ATG4C: variants seen among roughly 807,000 people sequenced by gnomAD.
ATG4C encodes cysteine protease ATG4C.
In ATG4C, 56 loss-of-function variants were observed where a neutral mutation model predicts 57.6. That is an observed-to-expected ratio of 0.97 (90% confidence interval 0.78 to 1.21). The LOEUF (loss-of-function observed/expected upper bound fraction) is 1.21. ATG4C is among the 50% of genes most tolerant of loss of function. ATG4C has a pLI of 0.00. For synonymous variants in ATG4C, 157 were observed against 174.1 expected (o/e 0.90, Z 0.78); for missense variants, 595 against 529.8 (o/e 1.12, Z -1.21).
chr1:62,835,494 C>A, intron 9 of ATG4C: 2 of 249,856 alleles, frequency 8.0e-6, no homozygotes, highest in South Asian at 4.2e-5. Flanking sequence ...CTTTTACAGA[C>A]TAAAGTAATT....
chr1:62,814,829 C>A (rs1295969222), intron 3 of ATG4C, among the ~76,000 whole-genome samples: 1 of 152,122 alleles, frequency 6.6e-6, no homozygotes, highest in African/African-American at 2.4e-5. Context: ...CTTTGGGAGT[C>A]CAAGGCAAGT....
At chr1:62,813,313 G>A (rs372854845) in intron 3 of ATG4C, among the ~76,000 whole-genome samples, 3 of 152,112 alleles carry the variant, frequency 2.0e-5, no homozygotes, top group Non-Finnish European at 2.9e-5. Flanking sequence ...ACAACCATCT[G>A]ATCCTTGACA....
In ATG4C at chr1:62,845,680, C is replaced by G. The variant is rs1666306242; in HGVS notation, c.1209+4133C>G. 2.0e-5 allele frequency among the ~76,000 whole-genome samples: 3 copies of G among 150,802 alleles called. No individual in the cohort carries two copies. The Admixed American group carries it at 2.0e-4, about 10-fold the overall frequency. On this transcript the variant is annotated intron_variant, in intron 10 of 10. Transcript: ENST00000317868. ...GAAGTTTTATGTTTCACATTTAGAA[C>G]TTGTATATGTTTTATTTATTTTTAT...
intron 1 of ATG4C, chr1:62,785,155 T>C (rs1428996051): frequency 6.6e-6 from 1 of 152,208 alleles, no homozygotes; most frequent in African/African-American, 2.4e-5. Context: ...TTTGTGTCAG[T>C]TGATGGCAGA....
At chr1:62,840,637 G>C (rs982406252) in intron 9 of ATG4C, among the ~76,000 whole-genome samples, 2 of 152,124 alleles carry the variant, frequency 1.3e-5, no homozygotes, top group African/African-American at 2.4e-5. Context: ...TTTATATTCT[G>C]CCCTTTTTCT....
rs1307183428 is a variant in ATG4C, at chr1:62,859,669, C to T, written c.1210-4323C>T. ...AAATTTATGAGAAAACATATTTCTTCAATAATAAATTAACCATATCTTTCT... is the reference window on the plus strand; with the variant it reads ...AAATTTATGAGAAAACATATTTCTTTAATAATAAATTAACCATATCTTTCT... On this transcript the variant is annotated intron_variant, in intron 10 of 10. Coordinates refer to ENST00000317868, the MANE Select transcript of ATG4C (RefSeq NM_032852.4). Among the ~76,000 whole-genome samples, 7 of 150,574 alleles carry T rather than the reference C, an allele frequency of 4.6e-5. No homozygotes were observed. The Admixed American group carries it at 4.7e-4, about 10-fold the overall frequency.
intron 1 of ATG4C, among the ~76,000 whole-genome samples, chr1:62,801,076 G>T (rs1395145322): frequency 6.6e-6 from 1 of 152,170 alleles, no homozygotes; most frequent in Non-Finnish European, 1.5e-5. Flanking sequence ...AGGAAGCTTT[G>T]ATATTAATAT....
At chr1:62,806,852 G>T (rs114328043) in intron 3 of ATG4C, among the ~76,000 whole-genome samples, 4 of 152,178 alleles carry the variant, frequency 2.6e-5, no homozygotes, top group Non-Finnish European at 5.9e-5. Context: ...ATCATTGCAA[G>T]AGCTAGAAGC....
At chr1:62,856,035 G>A (rs1187622453) in intron 10 of ATG4C, among the ~76,000 whole-genome samples, 1 of 152,188 alleles carries the variant, frequency 6.6e-6, no homozygotes, top group African/African-American at 2.4e-5. Flanking sequence ...GTCTTATAGA[G>A]TAAGAGAATA....
At position 62,807,793 on chromosome 1, in the gene ATG4C, ATCAC is replaced by A. The variant is rs1293712706; in HGVS notation, c.160+2539_160+2542del. Among the ~76,000 whole-genome samples the A allele has an allele frequency of 2.3e-3, 345 of 152,356 alleles. 1 individual carries two copies. Among genetic ancestry groups the A allele is most frequent in the African/African-American group, 8.1e-3 (337 of 41,594 alleles). On this transcript the variant is annotated intron_variant, in intron 3 of 10. Transcript: ENST00000317868. Reference sequence around the variant, plus strand: ...AGTGTTTCCTTGAGTTCTGTGAGTCATCACAGCAAATTACCAAACCTGAGGAGGG... The same window carrying A: ...AGTGTTTCCTTGAGTTCTGTGAGTCAAGCAAATTACCAAACCTGAGGAGGG...
rs114004115 is a variant in ATG4C, at chr1:62,808,105, A to G, written c.160+2850A>G. On this transcript the variant is annotated intron_variant, in intron 3 of 10. Coordinates refer to ENST00000317868, the MANE Select transcript of ATG4C (RefSeq NM_032852.4). Reference sequence around the variant, plus strand: ...CTAAAAGGAAGTGTTTTTCCATTTCATGCTTTAGAAAGATAACTGATGGTA... The same window carrying G: ...CTAAAAGGAAGTGTTTTTCCATTTCGTGCTTTAGAAAGATAACTGATGGTA... 5.4e-3 allele frequency among the ~76,000 whole-genome samples: 828 copies of G among 152,350 alleles called. 9 individuals are homozygous for G. Among genetic ancestry groups the G allele is most frequent in the African/African-American group, 0.019 (793 of 41,586 alleles).
chr1:62,849,240 C>G (rs560401997), intron 10 of ATG4C, among the ~76,000 whole-genome samples: 3 of 152,204 alleles, frequency 2.0e-5, no homozygotes, highest in Non-Finnish European at 4.4e-5. Context: ...ACCTGCTTTG[C>G]CCAGCCCCAT....
chr1:62,863,902 AG>A (rs1666925787), intron 10 of ATG4C, 89 bp from the exon 11 acceptor site: 1 of 884,362 alleles, frequency 1.1e-6, no homozygotes, highest in East Asian at 2.7e-5. Context: ...CTAACAGGAG[AG>A]GTTCAGGGCT....
chr1:62,835,796 A>T lies in ATG4C; in HGVS notation c.1089+944A>T, dbSNP rs1408583506. On this transcript the variant is annotated intron_variant, in intron 9 of 10. Coordinates refer to ENST00000317868, the MANE Select transcript of ATG4C (RefSeq NM_032852.4). ...CAGGTCTATTTTGTTCTTTCATAGT[A>T]TCTTGCACCTTAATAAATATTTGCT... 3.3e-5 allele frequency among the ~76,000 whole-genome samples: 5 copies of T among 152,164 alleles called. No homozygotes were observed. In the East Asian group the frequency reaches 9.6e-4, roughly 29 times the overall value.
intron 1 of ATG4C, among the ~76,000 whole-genome samples, chr1:62,798,764 C>T (rs1411869492): frequency 6.6e-6 from 1 of 151,956 alleles, no homozygotes; most frequent in Non-Finnish European, 1.5e-5. Flanking sequence ...CCTGCCTCAG[C>T]CTCCTGAGTA....
intron 1 of ATG4C, among the ~76,000 whole-genome samples, chr1:62,789,971 A>G (rs1399599641): frequency 6.6e-6 from 1 of 151,296 alleles, no homozygotes; most frequent in East Asian, 2.0e-4. Flanking sequence ...GCTGGAGTGC[A>G]ATGGCGGATC....
intron 9 of ATG4C, among the ~76,000 whole-genome samples, chr1:62,838,374 A>T (rs1242269229): frequency 6.6e-6 from 1 of 152,248 alleles, no homozygotes; most frequent in Non-Finnish European, 1.5e-5. Flanking sequence ...CGAAGTGAAC[A>T]TAGCCCTGAA....
chr1:62,841,613 G>A, intron 10 of ATG4C, 66 bp downstream of exon 10: 2 of 1,275,928 alleles, frequency 1.6e-6, no homozygotes, highest in African/African-American at 1.5e-5. Flanking sequence ...CTGTCAGAAA[G>A]CAAAAACCTG....
At chr1:62,855,103 GA>G (rs942806004) in intron 10 of ATG4C, among the ~76,000 whole-genome samples, 8 of 152,124 alleles carry the variant, frequency 5.3e-5, no homozygotes, top group African/African-American at 1.9e-4. Flanking sequence ...AGGGACCTGG[GA>G]ATTGAGTTCA....
Sources: gnomAD v4.1 joint callset for allele counts (sites outside exome capture counted in the v4.1 genomes callset) on GRCh38, gnomAD v4.1.1 for gene constraint, MANE v1.5 for transcripts, NCBI Gene and HGNC (gene_info 2026-07-23, HGNC 2026-07-21) for gene names.